Variants in PRKAR2A observed in about 807,000 individuals in gnomAD.
PRKAR2A encodes the protein protein kinase cAMP-dependent type II regulatory subunit alpha.
A neutral mutation model predicts 51.9 loss-of-function variants in PRKAR2A; 29 were observed. The ratio of observed to expected loss-of-function variants is 0.56; its 90% CI spans 0.42 to 0.76. The LOEUF is 0.76. Among genes scored for constraint, PRKAR2A ranks in the 30% least tolerant of loss-of-function variants. The pLI is 0.00. For missense variants in PRKAR2A, 445 were observed against 512.1 expected, an observed-to-expected ratio of 0.87 and a Z score of 1.26; for synonymous variants, 178 against 186.2, an observed-to-expected ratio of 0.96 and a Z score of 0.36.
At chr3:48,787,808 A>G (rs1399722535) in intron 4 of PRKAR2A, among the ~76,000 whole-genome samples, 1 of 152,088 alleles carries the variant, frequency 6.6e-6, no homozygotes, top group African/African-American at 2.4e-5. Flanking sequence ...ACAGACACCA[A>G]GGTTAGTTAA....
rs147647988 is a variant in PRKAR2A, at chr3:48,824,209, C to T, written c.263-16525G>A. On this transcript the variant is annotated intron_variant, in intron 1 of 10. Coordinates refer to ENST00000265563, the MANE Select transcript of PRKAR2A (RefSeq NM_004157.4). ...TGAGCTGAGATCACGCCATCACACT[C>T]CAGCCTGGACGACAAGAGCAAAACT... is the stretch of plus-strand genomic sequence containing the variant. Among the ~76,000 whole-genome samples the T allele has an allele frequency of 7.4e-3, 1,126 of 152,198 alleles. 114 individuals carry two copies. In the East Asian group the frequency reaches 0.19, roughly 26 times the overall value.
chr3:48,835,037 T>C (rs1032346217), intron 1 of PRKAR2A, among the ~76,000 whole-genome samples: 1 of 150,212 alleles, frequency 6.7e-6, no homozygotes, highest in Non-Finnish European at 1.5e-5. Flanking sequence ...AGTGGCACGA[T>C]CTCAGGTCAC....
At chr3:48,845,324 T>C (rs2083444951) in intron 1 of PRKAR2A, among the ~76,000 whole-genome samples, 1 of 152,182 alleles carries the variant, frequency 6.6e-6, no homozygotes, top group African/African-American at 2.4e-5. Flanking sequence ...AGAAGAGCCC[T>C]TGTTACTCCT....
chr3:48,769,562 C>T (rs181924222), intron 6 of PRKAR2A, among the ~76,000 whole-genome samples: 70 of 152,082 alleles, frequency 4.6e-4, no homozygotes, highest in African/African-American at 1.6e-3. Context: ...CCGCAACCTC[C>T]GTCTCCCAGG....
At chr3:48,760,629 G>C (rs919322057) in intron 8 of PRKAR2A, among the ~76,000 whole-genome samples, 3 of 145,752 alleles carry the variant, frequency 2.1e-5, no homozygotes, top group African/African-American at 5.1e-5. Flanking sequence ...GGAGTTCACA[G>C]ACCAGCCTGA....
chr3:48,821,244 C>T (rs917442573), intron 1 of PRKAR2A, among the ~76,000 whole-genome samples: 1 of 152,128 alleles, frequency 6.6e-6, no homozygotes, highest in Non-Finnish European at 1.5e-5. Flanking sequence ...GGGGCAGAAA[C>T]TTCAACTCTA....
chr3:48,786,988 T>C (rs2082303003), intron 4 of PRKAR2A, among the ~76,000 whole-genome samples: 1 of 152,020 alleles, frequency 6.6e-6, no homozygotes, highest in African/African-American at 2.4e-5. Flanking sequence ...AGACATTCTA[T>C]AGAATGACTA....
In PRKAR2A at chr3:48,759,384, C is replaced by CTTT. The variant is rs1246199187; in HGVS notation, c.874-2943_874-2941dup. Among the ~76,000 whole-genome samples, 16 of 138,288 alleles carry CTTT rather than the reference C, an allele frequency of 1.2e-4. No individual in the cohort carries two copies. In the Middle Eastern group the frequency reaches 0.019, roughly 161 times the overall value. 90.7% of individuals were successfully genotyped at this position (138,288 alleles called of 152,430 possible). On this transcript the variant is annotated intron_variant, in intron 8 of 10. Coordinates refer to ENST00000265563, the MANE Select transcript of PRKAR2A (RefSeq NM_004157.4). The stretch of plus-strand genomic sequence containing the variant: ...AGCTCACTGGAAGAGCATCCTGCCC[C>CTTT]TTTTTTTTTTTTTTTTTTTGAGACG...
chr3:48,809,535 G>A (rs972147678), intron 1 of PRKAR2A, among the ~76,000 whole-genome samples: 1 of 134,752 alleles, frequency 7.4e-6, no homozygotes, highest in Non-Finnish European at 1.5e-5. Context: ...GGCAGAGGTT[G>A]TGGTGAGCCA....
At chr3:48,777,622 G>A (rs542706721) in intron 5 of PRKAR2A, among the ~76,000 whole-genome samples, 92 of 152,222 alleles carry the variant, frequency 6.0e-4, no homozygotes, top group African/African-American at 2.2e-3. Context: ...AGCCAGGATG[G>A]TCTCGATCTC....
At chr3:48,842,307 T>C (rs1278865241) in intron 1 of PRKAR2A, among the ~76,000 whole-genome samples, 1 of 152,212 alleles carries the variant, frequency 6.6e-6, no homozygotes, top group Non-Finnish European at 1.5e-5. Flanking sequence ...CTTAAGGAGA[T>C]TTGGGGCTGA....
chr3:48,752,023 T>G (rs1406658301), intron 10 of PRKAR2A, among the ~76,000 whole-genome samples, 153 bp downstream of exon 10: 1 of 152,186 alleles, frequency 6.6e-6, no homozygotes, highest in African/African-American at 2.4e-5. Context: ...AAATGTTTGC[T>G]GAAAGCATCC....
chr3:48,798,543 A>AT (rs1487382390), intron 2 of PRKAR2A, among the ~76,000 whole-genome samples: 44 of 152,164 alleles, frequency 2.9e-4, no homozygotes, highest in Non-Finnish European at 2.8e-4. Context: ...CCTTGGTCTA[A>AT]GAGTTCAAAA....
chr3:48,819,595 T>A (rs1247198880), intron 1 of PRKAR2A, among the ~76,000 whole-genome samples: 1 of 152,208 alleles, frequency 6.6e-6, no homozygotes, highest in African/African-American at 2.4e-5. Flanking sequence ...ATTCCACCAT[T>A]CCATTATTTA....
rs1373924737 is a variant in PRKAR2A at position 48,847,789 on chromosome 3, C to A, written c.-193G>T. 2 of 509,074 alleles carry A rather than the reference C, an allele frequency of 3.9e-6. No individual in the cohort carries two copies. The highest frequency in any genetic ancestry group is 4.0e-5 in the African/African-American group (2 of 50,234). The allele number at this position is 509,074 out of a possible 1,614,324, so 31.5% of individuals were successfully genotyped here. ...TACGCTACCACGGCCGACCTGGCACCGCCGCCGCTGTCACTGGGCAGCCGC... is the reference window on the plus strand; with the variant it reads ...TACGCTACCACGGCCGACCTGGCACAGCCGCCGCTGTCACTGGGCAGCCGC... On this transcript the variant is annotated 5_prime_UTR_variant, in exon 1 of 11. Transcript: ENST00000265563. This position sits in a 1 kb window ranked among gnomAD's most constrained non-coding sequence, Gnocchi z 4.4.
At chr3:48,758,580 CAAAAA>C (rs527383934) in intron 8 of PRKAR2A, among the ~76,000 whole-genome samples, 1 of 51,082 alleles carries the variant, frequency 2.0e-5, no homozygotes. Context: ...AAGACTGTCT[CAAAAA>C]AAAAAAAAAA....
At chr3:48,786,193 C>T (rs2082289120) in intron 4 of PRKAR2A, among the ~76,000 whole-genome samples, 3 of 147,428 alleles carry the variant, frequency 2.0e-5, no homozygotes, top group South Asian at 2.2e-4. Context: ...GGTATGATCT[C>T]GGCCCACTGC....
At chr3:48,826,072 G>A (rs764356984) in intron 1 of PRKAR2A, among the ~76,000 whole-genome samples, 5 of 152,174 alleles carry the variant, frequency 3.3e-5, no homozygotes, top group South Asian at 2.1e-4. Flanking sequence ...AGATCGGCCC[G>A]GGCAACATAG....
At chr3:48,832,139 C>T (rs553690400) in intron 1 of PRKAR2A, among the ~76,000 whole-genome samples, 24 of 151,792 alleles carry the variant, frequency 1.6e-4, no homozygotes, top group Admixed American at 1.6e-3. Flanking sequence ...ATTAAAAATA[C>T]AAAAACTAGC....
Sources: allele counts gnomAD v4.1 joint callset (sites outside exome capture counted in the v4.1 genomes callset), GRCh38; gene constraint gnomAD v4.1.1; non-coding constraint Gnocchi (gnomAD v3.1); transcripts MANE v1.5; gene names NCBI Gene and HGNC (gene_info 2026-07-23, HGNC 2026-07-21).